Variants in RFX8 observed in about 807,000 individuals in gnomAD.
The protein encoded by RFX8 is DNA-binding protein RFX8.
A neutral mutation model predicts 54.6 loss-of-function variants in RFX8; 46 were observed. The observed-to-expected ratio is 0.84, with a 90% CI of 0.67 to 1.08. The LOEUF is 1.08. Ranked by LOEUF, RFX8 falls within the 50% of genes least tolerant of loss-of-function variation. The pLI is 0.00. For synonymous variants in RFX8, 192 were observed against 209.5 expected, an observed-to-expected ratio of 0.92 and a Z score of 0.72; for missense variants, 536 against 562.3, an observed-to-expected ratio of 0.95 and a Z score of 0.47.
At chr2:101,437,484 G>A (rs6543058) in intron 2 of RFX8, among the ~76,000 whole-genome samples, 115,035 of 151,980 alleles carry the variant, frequency 0.76, 44,487 homozygotes, top group Middle Eastern at 0.88. Context: ...AGGCTGAGGC[G>A]GGAGGATCAT....
intron 1 of RFX8, chr2:101,474,389 CGCGCGGGGGGCGCGCGGG>C (rs1481847130): frequency 1.0e-5 from 4 of 386,026 alleles, no homozygotes; most frequent in Non-Finnish European, 1.4e-5. Flanking sequence ...TAGAAAGGAG[CGCGCGGGGGGCGCGCGGG>C]GCGCGGGGCG....
At chr2:101,452,551 A>G (rs1688741815) in intron 2 of RFX8, 2 of 432,628 alleles carry the variant, frequency 4.6e-6, no homozygotes, top group Non-Finnish European at 7.9e-6. Context: ...CCTCTTTTCT[A>G]ATAAGCAAAC....
chr2:101,401,160 G>T (rs1040246918), intron 11 of RFX8, among the ~76,000 whole-genome samples: 2 of 152,176 alleles, frequency 1.3e-5, no homozygotes, highest in Non-Finnish European at 2.9e-5. Flanking sequence ...AGAGAGCACC[G>T]AATGCAGCTG....
In RFX8 at chr2:101,416,129, G is replaced by A. The variant is rs532942976; in HGVS notation, c.503-1217C>T. 2.0e-5 allele frequency among the ~76,000 whole-genome samples: 3 copies of A among 151,642 alleles called. No individual in the cohort carries two copies. The East Asian group carries it at 5.9e-4, about 30-fold the overall frequency. ...GGCCATCTGGGCAGTGGAGGCCAGG[G>A]AAGGTTGGTAATTGATTAATTGCTG... is the stretch of plus-strand genomic sequence containing the variant. On this transcript the variant is annotated intron_variant, in intron 6 of 11. Coordinates refer to ENST00000428343, the MANE Select transcript of RFX8 (RefSeq NM_001145664.2).
chr2:101,411,094 G>A lies in RFX8; in HGVS notation c.719-381C>T, dbSNP rs572768366. Reference sequence around the variant, plus strand: ...GGGCTGGTTTATTAATGTCATTGAAGTGATGGCAGACATACGTCAAAGCTG... The same window carrying A: ...GGGCTGGTTTATTAATGTCATTGAAATGATGGCAGACATACGTCAAAGCTG... On this transcript the variant is annotated intron_variant, in intron 8 of 11. Coordinates refer to ENST00000428343, the MANE Select transcript of RFX8 (RefSeq NM_001145664.2). 9.8e-5 allele frequency among the ~76,000 whole-genome samples: 15 copies of A among 152,342 alleles called. No homozygotes were observed. The South Asian group carries it at 1.2e-3, about 13-fold the overall frequency.
intron 2 of RFX8, chr2:101,450,457 A>G: frequency 1.8e-6 from 1 of 552,966 alleles, no homozygotes. Context: ...TACTGAACTC[A>G]ACTCAAGCGG....
intron 2 of RFX8, among the ~76,000 whole-genome samples, chr2:101,448,507 C>T (rs966988080): frequency 6.6e-6 from 1 of 152,224 alleles, no homozygotes; most frequent in South Asian, 2.1e-4. Context: ...GCCCAACGCC[C>T]TTGTAGGCCC....
At chr2:101,417,505 C>T in intron 6 of RFX8, 29 bp downstream of exon 6, 1 of 1,537,684 alleles carries the variant, frequency 6.5e-7, no homozygotes, top group Non-Finnish European at 8.8e-7. Context: ...TGTGCCAGCC[C>T]AGAATTTATT....
At chr2:101,439,594 T>A (rs1215853348) in intron 2 of RFX8, among the ~76,000 whole-genome samples, 1 of 91,048 alleles carries the variant, frequency 1.1e-5, no homozygotes, top group Admixed American at 9.9e-5. Flanking sequence ...TAGATTGAAG[T>A]TCATTTTTTT....
intron 6 of RFX8, among the ~76,000 whole-genome samples, chr2:101,416,837 C>T (rs1686545653): frequency 6.6e-6 from 1 of 152,102 alleles, no homozygotes; most frequent in Non-Finnish European, 1.5e-5. Context: ...CCACTGCAGG[C>T]CTTGAACAGA....
chr2:101,461,279 A>AAAGAAAG (rs1553459155), intron 2 of RFX8, among the ~76,000 whole-genome samples: 1 of 124,776 alleles, frequency 8.0e-6, no homozygotes, highest in African/African-American at 3.2e-5. Context: ...AAAAAAAAAA[A>AAAGAAAG]AAAGAAAGAA....
At chr2:101,401,099 G>T (rs1037194296) in intron 11 of RFX8, among the ~76,000 whole-genome samples, 1 of 152,142 alleles carries the variant, frequency 6.6e-6, no homozygotes, top group African/African-American at 2.4e-5. Context: ...ATGGACACTC[G>T]TGGAGGAGGT....
chr2:101,408,364 A>C (rs1438542038), intron 9 of RFX8, among the ~76,000 whole-genome samples: 1 of 152,136 alleles, frequency 6.6e-6, no homozygotes, highest in Non-Finnish European at 1.5e-5. Context: ...GGGCACCTGT[A>C]GTCTCAGCTA....
At chr2:101,450,149 T>G (rs923032874) in intron 2 of RFX8, among the ~76,000 whole-genome samples, 5 of 152,180 alleles carry the variant, frequency 3.3e-5, no homozygotes, top group Non-Finnish European at 7.3e-5. Flanking sequence ...AAGGAGGACT[T>G]AAAGACAGAA....
intron 4 of RFX8, among the ~76,000 whole-genome samples, chr2:101,419,799 C>T (rs1302065351): frequency 1.3e-5 from 2 of 152,234 alleles, no homozygotes; most frequent in Non-Finnish European, 2.9e-5. Context: ...TCAGGGCATT[C>T]ATTCTAGAGA....
intron 2 of RFX8, among the ~76,000 whole-genome samples, chr2:101,459,178 G>A (rs980342039): frequency 2.0e-5 from 3 of 152,158 alleles, no homozygotes; most frequent in Non-Finnish European, 4.4e-5. Flanking sequence ...GCTTGGAGAA[G>A]TTTGTTATTA....
chr2:101,397,809 T>G, intron 11 of RFX8, 85 bp from the exon 12 acceptor site: 1 of 1,205,642 alleles, frequency 8.3e-7, no homozygotes. Flanking sequence ...TGAATTCTTC[T>G]ACCAAGCCCG....
intron 1 of RFX8, among the ~76,000 whole-genome samples, chr2:101,471,779 T>C (rs1573505135): frequency 6.6e-6 from 1 of 152,252 alleles, no homozygotes. Context: ...GCCTTTCTCC[T>C]GGGAGAATTT....
At chr2:101,430,702 C>T (rs919415543) in intron 2 of RFX8, among the ~76,000 whole-genome samples, 2 of 152,190 alleles carry the variant, frequency 1.3e-5, no homozygotes, top group African/African-American at 4.8e-5. Context: ...GAGAATGCAT[C>T]ATATCTCAAT....
Sources: allele counts gnomAD v4.1 joint callset (sites outside exome capture counted in the v4.1 genomes callset), GRCh38; gene constraint gnomAD v4.1.1; transcripts MANE v1.5; gene names NCBI Gene and HGNC (gene_info 2026-07-23, HGNC 2026-07-21).